DPYD: variants seen among roughly 807,000 people sequenced by gnomAD.
DPYD encodes dihydropyrimidine dehydrogenase [NADP(+)].
DPYD carries 109 observed loss-of-function variants against 116.2 expected under a neutral mutation model. The observed-to-expected ratio is 0.94, with a 90% CI of 0.80 to 1.10. DPYD has a LOEUF of 1.10. Among genes scored for constraint, DPYD ranks in the 50% least tolerant of loss-of-function variants. The pLI is 0.00. For synonymous variants in DPYD, 440 were observed against 432.0 expected (o/e 1.02, Z -0.23); for missense variants, 1,302 against 1,254.5 (o/e 1.04, Z -0.57).
intron 13 of DPYD, among the ~76,000 whole-genome samples, chr1:97,492,671 T>C (rs1488912255): frequency 2.0e-5 from 3 of 152,150 alleles, no homozygotes; most frequent in African/African-American, 7.2e-5. Context: ...TCTGCAAATA[T>C]ATGTTTCAAG....
intron 18 of DPYD, among the ~76,000 whole-genome samples, chr1:97,269,658 A>G (rs72726670): frequency 0.19 from 29,473 of 151,988 alleles, 3,327 homozygotes; most frequent in Middle Eastern, 0.29. Context: ...TAGCTTGGAG[A>G]TGGCTGCTTT....
At chr1:97,700,328 G>A (rs145566496) in intron 5 of DPYD, 195 of 453,656 alleles carry the variant, frequency 4.3e-4, no homozygotes, top group African/African-American at 3.3e-3. Flanking sequence ...GTACAGAAGA[G>A]TGAGATTAAT....
chr1:97,110,603 A>G lies in DPYD; in HGVS notation c.2623-11971T>C, dbSNP rs554284889. Among the ~76,000 whole-genome samples the G allele has an allele frequency of 2.6e-5, 4 of 152,230 alleles. No individual in the cohort carries two copies. The East Asian group carries it at 7.7e-4, about 29-fold the overall frequency. On this transcript the variant is annotated intron_variant, in intron 20 of 22. Transcript: ENST00000370192. The stretch of plus-strand genomic sequence containing the variant: ...ATAACAAAACAATTTCTGTGACCCT[A>G]CAGCCACTTTCAGGCATCATTAATT...
chr1:97,135,553 C>T (rs976452465), intron 20 of DPYD, among the ~76,000 whole-genome samples: 2 of 152,020 alleles, frequency 1.3e-5, no homozygotes, highest in African/African-American at 4.8e-5. Flanking sequence ...ATTTTATTAC[C>T]TTTAATGTTT....
chr1:97,585,771 T>C (rs1312427993), intron 10 of DPYD: 1 of 152,170 alleles, frequency 6.6e-6, no homozygotes, highest in Non-Finnish European at 1.5e-5. Context: ...TATTTTTAAA[T>C]GAAGAGGGGC....
At chr1:97,623,732 C>T (rs1383628353) in intron 8 of DPYD, among the ~76,000 whole-genome samples, 1 of 151,672 alleles carries the variant, frequency 6.6e-6, no homozygotes, top group Non-Finnish European at 1.5e-5. Flanking sequence ...TCAAACTATA[C>T]AACAAAGCTA....
At chr1:97,405,822 A>C (rs115526910) in intron 14 of DPYD, among the ~76,000 whole-genome samples, 1,958 of 152,126 alleles carry the variant, frequency 0.013, 24 homozygotes, top group South Asian at 0.023. Context: ...TGGCCCTCTT[A>C]ATACTTCAAA....
intron 20 of DPYD, among the ~76,000 whole-genome samples, chr1:97,166,966 A>G (rs141498727): frequency 6.2e-4 from 95 of 152,312 alleles, no homozygotes; most frequent in East Asian, 4.2e-3. Flanking sequence ...AATAGTTTGT[A>G]TTACCACTAA....
intron 8 of DPYD, among the ~76,000 whole-genome samples, chr1:97,639,289 C>A (rs1657745589): frequency 6.6e-6 from 1 of 152,016 alleles, no homozygotes; most frequent in Non-Finnish European, 1.5e-5. Context: ...TTAATAAATT[C>A]TATTGCTTAC....
intron 13 of DPYD, chr1:97,514,314 G>T (rs147372584): frequency 2.3e-6 from 2 of 869,534 alleles, no homozygotes; most frequent in Non-Finnish European, 2.8e-6. Flanking sequence ...TATTGCAAGC[G>T]AAGAAAACAT....
intron 7 of DPYD, among the ~76,000 whole-genome samples, chr1:97,680,229 A>G (rs1349297939): frequency 6.6e-6 from 1 of 152,172 alleles, no homozygotes; most frequent in Non-Finnish European, 1.5e-5. Flanking sequence ...ATAGTTGGGA[A>G]GGCCACATGA....
chr1:97,827,566 T>C (rs985444715), intron 3 of DPYD, among the ~76,000 whole-genome samples: 2 of 151,948 alleles, frequency 1.3e-5, no homozygotes, highest in African/African-American at 2.4e-5. Flanking sequence ...TTACTGATGT[T>C]AAGAAATGAA....
chr1:97,135,354 C>G (rs55897914), intron 20 of DPYD, among the ~76,000 whole-genome samples: 45,536 of 151,980 alleles, frequency 0.3, 7,194 homozygotes, highest in Middle Eastern at 0.41. Flanking sequence ...TCTCTTAAGA[C>G]AAACCTAGAC....
At chr1:97,477,004 C>T (rs1422050156) in intron 13 of DPYD, among the ~76,000 whole-genome samples, 1 of 152,170 alleles carries the variant, frequency 6.6e-6, no homozygotes, top group Non-Finnish European at 1.5e-5. Flanking sequence ...AACCTTTCTG[C>T]TGGTGGAAAG....
At chr1:97,567,315 T>G (rs1388039550) in intron 11 of DPYD, among the ~76,000 whole-genome samples, 3 of 149,504 alleles carry the variant, frequency 2.0e-5, no homozygotes, top group Admixed American at 1.3e-4. Context: ...ATGAGTGATT[T>G]AAAAACCTTT....
At chr1:97,546,141 T>C in intron 12 of DPYD, 1 of 1,413,834 alleles carries the variant, frequency 7.1e-7, no homozygotes, top group Non-Finnish European at 1.0e-6. Flanking sequence ...AAAGGAGCAG[T>C]CCTTCTGTGC....
At chr1:97,277,894 C>T (rs916650226) in intron 18 of DPYD, among the ~76,000 whole-genome samples, 1 of 152,152 alleles carries the variant, frequency 6.6e-6, no homozygotes, top group Non-Finnish European at 1.5e-5. Flanking sequence ...GGTTAGTCCT[C>T]CAATCTCATT....
chr1:97,849,223 T>A (rs1323822422), intron 2 of DPYD, among the ~76,000 whole-genome samples: 1 of 152,144 alleles, frequency 6.6e-6, no homozygotes, highest in Non-Finnish European at 1.5e-5. Flanking sequence ...TACACTACAA[T>A]CTCATTTTTA....
chr1:97,375,549 T>C (rs144677958), intron 15 of DPYD, among the ~76,000 whole-genome samples: 7 of 152,226 alleles, frequency 4.6e-5, no homozygotes, highest in Admixed American at 2.0e-4. Context: ...ATTTGAGAGT[T>C]GCTGAAAACC....
Sources: allele counts gnomAD v4.1 joint callset (sites outside exome capture counted in the v4.1 genomes callset), GRCh38; gene constraint gnomAD v4.1.1; transcripts MANE v1.5; gene names NCBI Gene and HGNC (gene_info 2026-07-23, HGNC 2026-07-21).